GAD1: variants seen among roughly 807,000 people sequenced by gnomAD.
The protein encoded by GAD1 is glutamate decarboxylase 1.
GAD1 carries 35 observed loss-of-function variants against 75.2 expected under a neutral mutation model. That is an observed-to-expected ratio of 0.47 (90% CI 0.36 to 0.62). The LOEUF (loss-of-function observed/expected upper bound fraction) is 0.62, where lower values mean the gene tolerates loss of function less well. Among genes scored for constraint, GAD1 ranks in the 20% least tolerant of loss-of-function variants. GAD1 has a pLI of 0.00. For missense variants in GAD1, 490 were observed against 758.5 expected (o/e 0.65, Z 4.16); for synonymous variants, 257 against 271.9 (o/e 0.95, Z 0.54).
Position 170,828,194 on chromosome 2 carries a change from A to AC in GAD1, c.146-1279dup, listed in dbSNP as rs1702080238. Among the ~76,000 whole-genome samples the AC allele has an allele frequency of 3.1e-4, 17 of 55,406 alleles. 1 individual carries two copies. Among genetic ancestry groups the AC allele is most frequent in the African/African-American group, 7.3e-4 (11 of 15,010 alleles). 36.3% of individuals were successfully genotyped at this position (55,406 alleles called of 152,430 possible). On this transcript the variant is annotated intron_variant, in intron 3 of 16. Coordinates refer to ENST00000358196, the MANE Select transcript of GAD1 (RefSeq NM_000817.3). The stretch of plus-strand genomic sequence containing the variant: ...TCGCCCTCCTCTCTCTGCTGTCCTC[A>AC]CCTCTCCTCTCTCTGCTATCCTCAC...
At chr2:170,848,326 C>A (rs768683427) in intron 11 of GAD1, among the ~76,000 whole-genome samples, 1 of 151,846 alleles carries the variant, frequency 6.6e-6, no homozygotes, top group Non-Finnish European at 1.5e-5. Flanking sequence ...GGTGAAACCC[C>A]GTCTCTACTA....
chr2:170,814,026 G>A (rs191657021), upstream of GAD1, among the ~76,000 whole-genome samples: 1 of 152,174 alleles, frequency 6.6e-6, no homozygotes, highest in Non-Finnish European at 1.5e-5. Context: ...CCTCATCACC[G>A]GTTCGAGTCC....
chr2:170,853,626 C>G lies in GAD1; in HGVS notation c.1264-247C>G, dbSNP rs1702792463. The G allele has an allele frequency of 2.1e-6, 1 of 483,422 alleles. No homozygotes were observed. Among genetic ancestry groups the G allele is most frequent in the Non-Finnish European group, 3.8e-6 (1 of 262,360 alleles). 29.9% of individuals were successfully genotyped at this position (483,422 alleles called of 1,614,324 possible). A position where few individuals can be genotyped will look rare whatever the true frequency, so the allele number is the denominator to read the frequency against. On this transcript the variant is annotated intron_variant, in intron 13 of 16. Transcript: ENST00000358196. The surrounding 1 kb of genome is among the most constrained non-coding windows in gnomAD (Gnocchi z 4.1). ...ATCCCAGACACCCATACACATTTCCCCTTAGAGGGATGGCATCTGAGACGG... is the reference window on the plus strand; with the variant it reads ...ATCCCAGACACCCATACACATTTCCGCTTAGAGGGATGGCATCTGAGACGG...
chr2:170,859,761 G>A lies in GAD1; in HGVS notation c.1664G>A (p.Gly555Asp). ...ATGGAGTCAGGTACGACCATGGTTG[G>A]CTACCAGCCCCAAGGGGACAAGGCC... ...LMMESGTTMVGYQPQGDKANF... is the reference protein window; with the variant it reads ...LMMESGTTMVDYQPQGDKANF... The change falls in exon 17 of 17, where the codon GGC becomes GAC. Residue 555 changes from glycine (G) to aspartate (D), a missense_variant. By Grantham distance (94) the Gly-to-Asp change is moderately conservative. This residue lies in a region of GAD1 where 324 missense variants were observed against 523.9 expected (regional missense o/e 0.62). Transcript: ENST00000358196. 6.2e-7 allele frequency: 1 copy of A among 1,614,164 alleles called. No individual in the cohort carries two copies. The highest frequency in any genetic ancestry group is 1.1e-5 in the South Asian group (1 of 91,074).
Position 170,848,670 on chromosome 2 carries a change from C to A in GAD1, c.1120-616C>A, listed in dbSNP as rs768387961. On this transcript the variant is annotated intron_variant, in intron 11 of 16. Coordinates refer to ENST00000358196, the MANE Select transcript of GAD1 (RefSeq NM_000817.3). ...GTATTTTTTTTTTTCTTTCTCTCTGCCCATTTTCTTAGGGATTTAACTTCT... is the reference window on the plus strand; with the variant it reads ...GTATTTTTTTTTTTCTTTCTCTCTGACCATTTTCTTAGGGATTTAACTTCT... 1.2e-5 allele frequency: 6 copies of A among 515,306 alleles called. No homozygotes were observed. The African/African-American group carries it at 1.2e-4, about 10-fold the overall frequency. 31.9% of individuals were successfully genotyped at this position (515,306 alleles called of 1,614,324 possible). A position where few individuals can be genotyped will look rare whatever the true frequency, so the allele number is the denominator to read the frequency against.
intron 5 of GAD1, 149 bp downstream of exon 5, chr2:170,831,341 C>A: frequency 1.1e-6 from 1 of 908,030 alleles, no homozygotes; most frequent in Non-Finnish European, 1.8e-6. Context: ...CAAGAACAAG[C>A]TTGGGCAGTA....
chr2:170,856,008 A>G (rs1462763298), intron 14 of GAD1, among the ~76,000 whole-genome samples: 4 of 152,154 alleles, frequency 2.6e-5, no homozygotes, highest in African/African-American at 9.7e-5. Flanking sequence ...AACCTCTTGA[A>G]CCATCTGCTG....
chr2:170,813,810 G>A (rs749447594), upstream of GAD1, among the ~76,000 whole-genome samples: 1 of 152,228 alleles, frequency 6.6e-6, no homozygotes, highest in African/African-American at 2.4e-5. Context: ...CCCAGCGGTG[G>A]TTGACCTAAG....
intron 5 of GAD1, among the ~76,000 whole-genome samples, chr2:170,832,187 GC>G (rs1702248349): frequency 6.6e-6 from 1 of 152,098 alleles, no homozygotes. Context: ...AAATTGGATG[GC>G]TCAAAACAAT....
chr2:170,855,172 G>T (rs1476415993), intron 14 of GAD1, among the ~76,000 whole-genome samples: 6 of 149,454 alleles, frequency 4.0e-5, no homozygotes, highest in African/African-American at 1.5e-4. Context: ...GAAAAATTTG[G>T]TAGATTATTA....
rs1701897640 is a variant in GAD1, at chr2:170,822,081, T to TCCTAGCGTA, written c.83-4_87dup. 6.2e-7 allele frequency: 1 copy of TCCTAGCGTA among 1,607,026 alleles called. No homozygotes were observed. The highest frequency in any genetic ancestry group is 1.3e-5 in the African/African-American group (1 of 74,806). On this transcript the variant is annotated splice_polypyrimidine_tract_variant and splice_region_variant and intron_variant, in intron 2 of 16. Transcript: ENST00000358196. ...ACCGAACCTCTCTCCCTCTCTCTCG[T>TCCTAGCGTA]CCTAGCGTACGATACCTGGTGCGGC...
upstream of GAD1, chr2:170,813,271 T>C (rs2105740189): frequency 1.3e-5 from 2 of 152,370 alleles, no homozygotes; most frequent in Middle Eastern, 3.4e-3. Context: ...GGTGTGGATT[T>C]AGCTATGATC....
chr2:170,831,230 T>G (rs769589532), intron 5 of GAD1, 38 bp downstream of exon 5: 1 of 1,610,604 alleles, frequency 6.2e-7, no homozygotes, highest in Non-Finnish European at 8.5e-7. Context: ...AGTGGCAACT[T>G]TGCCCTCCAT....
intron 6 of GAD1, 102 bp downstream of exon 6, chr2:170,836,985 G>C (rs552243790): frequency 1.7e-5 from 14 of 804,038 alleles, no homozygotes; most frequent in African/African-American, 3.4e-5. Flanking sequence ...AAGTTTCCCT[G>C]GTCATTTTTT....
At chr2:170,816,146 C>T (rs1165255473), upstream of GAD1, 1 of 152,284 alleles carries the variant, frequency 6.6e-6, no homozygotes, top group Non-Finnish European at 1.5e-5. Flanking sequence ...CGTGATTAAT[C>T]AGGAGGCCTT....
chr2:170,842,733 T>C, intron 6 of GAD1: 1 of 1,580,692 alleles, frequency 6.3e-7, no homozygotes, highest in Non-Finnish European at 8.6e-7. Flanking sequence ...ATATTCTTTT[T>C]GGAAATAAAA....
At position 170,818,350 on chromosome 2, in the gene GAD1, G is replaced by C. The variant is rs897709836; in HGVS notation, c.-63-179G>C. On this transcript the variant is annotated intron_variant, in intron 1 of 16. Coordinates refer to ENST00000358196, the MANE Select transcript of GAD1 (RefSeq NM_000817.3). This position sits in a 1 kb window ranked among gnomAD's most constrained non-coding sequence, Gnocchi z 5.9. The stretch of plus-strand genomic sequence containing the variant: ...CCCCAGTACCGGAGCTAGCGCGCAC[G>C]TCTCCTCCGCTGCCCCCACCCCTGC... 11 of 515,326 alleles carry C rather than the reference G, an allele frequency of 2.1e-5. No individual in the cohort carries two copies. The highest frequency in any genetic ancestry group is 9.5e-5 in the Admixed American group (3 of 31,468). 31.9% of individuals were successfully genotyped at this position (515,326 alleles called of 1,614,324 possible).
intron 5 of GAD1, 127 bp downstream of exon 5, chr2:170,831,319 AC>A: frequency 2.8e-6 from 3 of 1,058,056 alleles, no homozygotes; most frequent in Non-Finnish European, 4.4e-6. Context: ...GCGGCAAAGT[AC>A]CCAGTGACCA....
intron 3 of GAD1, among the ~76,000 whole-genome samples, chr2:170,827,051 T>G (rs948262900): frequency 2.0e-5 from 3 of 152,126 alleles, no homozygotes; most frequent in African/African-American, 7.2e-5. Context: ...TCATGTCCTT[T>G]GGGCTTTAGT....
Sources: gnomAD v4.1 joint callset for allele counts (sites outside exome capture counted in the v4.1 genomes callset) on GRCh38, gnomAD v4.1.1 for gene constraint, gnomAD v4.1.1 regional missense constraint, Gnocchi (gnomAD v3.1) non-coding constraint, MANE v1.5 for transcripts, NCBI Gene and HGNC (gene_info 2026-07-23, HGNC 2026-07-21) for gene names.